Variants in TNXB observed in about 807,000 individuals in gnomAD.
TNXB encodes tenascin XB.
TNXB carries 183 observed loss-of-function variants against 340.5 expected under a neutral mutation model. That is an observed-to-expected ratio of 0.54 (90% CI 0.48 to 0.61). TNXB has a LOEUF of 0.61. Ranked by LOEUF, TNXB falls within the 20% of genes least tolerant of loss-of-function variation. TNXB has a pLI of 0.00. For synonymous variants in TNXB, 2,121 were observed against 2,314.5 expected (o/e 0.92, Z 2.40); for missense variants, 4,613 against 5,446.4 (o/e 0.85, Z 4.82).
chr6:32,072,135 G>C lies in TNXB; in HGVS notation c.4845C>G (p.Asp1615Glu). Residue 1615 changes from aspartate to glutamate, a missense_variant, in exon 13 of 44, where the codon GAC (aspartate) becomes GAG (glutamate). Around this residue, in one of 7 missense-constraint regions of TNXB, gnomAD observed 4,327 missense variants for 4,859.4 expected, o/e 0.89. Coordinates refer to ENST00000644971, the MANE Select transcript of TNXB (RefSeq NM_001365276.2). This position sits in a 1 kb window ranked among gnomAD's most constrained non-coding sequence, Gnocchi z 4.4. ...CCACGGGCACCACCTGGGGCTGCCC[G>C]TCCCTGTCCTTGTACTGAACCACAA... The part of the protein sequence containing the change: ...DSFVVQYKDR[D>E]GQPQVVPVAA... The C allele has an allele frequency of 1.2e-6, 2 of 1,613,378 alleles. No individual in the cohort carries two copies. The highest frequency in any genetic ancestry group is 1.7e-6 in the Non-Finnish European group (2 of 1,179,608).
At position 32,068,671 on chromosome 6, in the gene TNXB, G is replaced by A. The variant is rs1271561810; in HGVS notation, c.5939C>T (p.Ala1980Val). 6.2e-7 allele frequency: 1 copy of A among 1,613,936 alleles called. No homozygotes were observed. The highest frequency in any genetic ancestry group is 1.7e-5 in the Admixed American group (1 of 60,030). Residue 1980 changes from alanine to valine, a missense_variant, in exon 17 of 44, where the codon GCA becomes GTA. Ala to Val is a moderately conservative substitution (Grantham distance 64, BLOSUM62 0). Coordinates refer to ENST00000644971, the MANE Select transcript of TNXB (RefSeq NM_001365276.2). This position sits in a 1 kb window ranked among gnomAD's most constrained non-coding sequence, Gnocchi z 5.3. ...EEEKPSEPPT[A>V]TPEPPIKPRL... ...AGGCTTGATGGGGGGCTCGGGGGTT[G>A]CGGTGGGAGGTTCTGAAGGCTTCTC...
Position 32,096,147 on chromosome 6 carries a change from C to G in TNXB, c.1706G>C (p.Cys569Ser), listed in dbSNP as rs754450129. ...CPGGCRGRGQ[C>S]LDGRCVCEDG... Reference sequence around the variant, plus strand: ...CTCGCACACACACCGCCCATCTAGGCACTGGCCGCGGCCTCGGCAGCCCCC... The same window carrying G: ...CTCGCACACACACCGCCCATCTAGGGACTGGCCGCGGCCTCGGCAGCCCCC... The change falls in exon 3 of 44, where the codon TGC becomes TCC. Residue 569 changes from cysteine to serine, a missense_variant. Around this residue, in one of 7 missense-constraint regions of TNXB, gnomAD observed 4,327 missense variants for 4,859.4 expected, o/e 0.89. Coordinates refer to ENST00000644971, the MANE Select transcript of TNXB (RefSeq NM_001365276.2). 6.3e-7 allele frequency: 1 copy of G among 1,592,566 alleles called. No homozygotes were observed. Among genetic ancestry groups the G allele is most frequent in the Non-Finnish European group, 8.5e-7 (1 of 1,171,492 alleles).
Position 32,084,615 on chromosome 6 carries a change from G to A in TNXB, c.3243C>T (p.Arg1081=). 1 of 1,605,436 alleles carries A rather than the reference G, an allele frequency of 6.2e-7. No homozygotes were observed. The highest frequency in any genetic ancestry group is 1.7e-5 in the Admixed American group (1 of 59,878). The change falls in exon 8 of 44, where the codon CGC becomes CGT. Residue 1081 remains arginine (R), a synonymous_variant. Transcript: ENST00000644971. This position sits in a 1 kb window ranked among gnomAD's most constrained non-coding sequence, Gnocchi z 5.5. ...CAAACTCGCCCTCGGGGACCGTCCA[G>A]CGCAGGAGCAAGGAGTCGGAGGTCC... is the stretch of plus-strand genomic sequence containing the variant. ...TDRTSDSLLL[R]WTVPEGEFDS...
intron 1 of TNXB, among the ~76,000 whole-genome samples, chr6:32,103,647 C>A (rs1343443481): frequency 6.6e-6 from 1 of 152,032 alleles, no homozygotes; most frequent in Non-Finnish European, 1.5e-5. Flanking sequence ...ACTTCGGTGC[C>A]ACAAAATCTA....
At position 32,058,845 on chromosome 6, in the gene TNXB, C is replaced by T. The variant is rs900389770; in HGVS notation, c.7493-455G>A. On this transcript the variant is annotated intron_variant, in intron 21 of 43. Transcript: ENST00000644971. This position sits in a 1 kb window ranked among gnomAD's most constrained non-coding sequence, Gnocchi z 5.1. The stretch of plus-strand genomic sequence containing the variant: ...GCTTTCACCGCAACGCATCAAATAA[C>T]CATTGAAACGATGATGAATGCTGGT... Among the ~76,000 whole-genome samples, 1 of 151,948 alleles carries T rather than the reference C, an allele frequency of 6.6e-6. No individual in the cohort carries two copies. Among genetic ancestry groups the T allele is most frequent in the East Asian group, 1.9e-4 (1 of 5,194 alleles).
intron 23 of TNXB, 42 bp downstream of exon 23, chr6:32,056,544 C>T (rs1777656147): frequency 1.2e-6 from 2 of 1,602,878 alleles, no homozygotes; most frequent in African/African-American, 1.3e-5. Context: ...AGAGGGTGAC[C>T]CTCCCACGGC....
intron 18 of TNXB, among the ~76,000 whole-genome samples, chr6:32,065,778 A>G (rs1489931958): frequency 6.6e-6 from 1 of 151,954 alleles, no homozygotes. Flanking sequence ...ACGTGCCACC[A>G]CGCTCCGCTT....
chr6:32,072,097 C>T lies in TNXB; in HGVS notation c.4883G>A (p.Arg1628Gln), dbSNP rs778225485. The T allele has an allele frequency of 3.7e-5, 59 of 1,612,902 alleles. No homozygotes were observed. The African/African-American group carries it at 5.3e-4, about 15-fold the overall frequency. The change falls in exon 13 of 44, where the codon CGG (arginine) becomes CAG (glutamine). Residue 1628 changes from arginine to glutamine, a missense_variant. Physicochemically the swap from Arg to Gln is conservative, Grantham distance 43. This residue lies in a region of TNXB where 4,327 missense variants were observed against 4,859.4 expected (regional missense o/e 0.89). Coordinates refer to ENST00000644971, the MANE Select transcript of TNXB (RefSeq NM_001365276.2). The surrounding 1 kb of genome is among the most constrained non-coding windows in gnomAD (Gnocchi z 4.4). ...PQVVPVAADQ[R>Q]EVTIPDLEPS... Reference sequence around the variant, plus strand: ...TTCCAGGTCAGGGATAGTGACCTCCCGCTGATCTGCAGCCACGGGCACCAC... The same window carrying T: ...TTCCAGGTCAGGGATAGTGACCTCCTGCTGATCTGCAGCCACGGGCACCAC...
chr6:32,056,195 G>T, intron 23 of TNXB, 21 bp from the exon 24 acceptor site: 1 of 1,602,384 alleles, frequency 6.2e-7, no homozygotes. Flanking sequence ...GAGATATAGA[G>T]AGGATGCCAG....
Position 32,061,766 on chromosome 6 carries a change from G to A in TNXB, c.7169-46C>T. ...GAGGATGGCAGGGTCCCTGGGGGATGTGCTTACGTCGTGGGGAAAAGGAGG... is the reference window on the plus strand; with the variant it reads ...GAGGATGGCAGGGTCCCTGGGGGATATGCTTACGTCGTGGGGAAAAGGAGG... On this transcript the variant is annotated intron_variant, in intron 20 of 43. Coordinates refer to ENST00000644971, the MANE Select transcript of TNXB (RefSeq NM_001365276.2). The surrounding 1 kb of genome is among the most constrained non-coding windows in gnomAD (Gnocchi z 4.4). 18 of 1,593,200 alleles carry A rather than the reference G, an allele frequency of 1.1e-5. No homozygotes were observed. Among genetic ancestry groups the A allele is most frequent in the Non-Finnish European group, 1.5e-5 (18 of 1,167,462 alleles).
In TNXB at chr6:32,069,050, C is replaced by G; in HGVS notation, c.5674G>C (p.Ala1892Pro). ...PHLGELTVEEATSHTLHLSWM... is the reference protein window; with the variant it reads ...PHLGELTVEEPTSHTLHLSWM... Reference sequence around the variant, plus strand: ...GAGAGATGCAGGGTGTGTGACGTGGCCTCCTCCACTGTCAACTCCCCGAGG... The same window carrying G: ...GAGAGATGCAGGGTGTGTGACGTGGGCTCCTCCACTGTCAACTCCCCGAGG... The change falls in exon 16 of 44, where the codon GCC becomes CCC. Residue 1892 changes from alanine (A) to proline (P), a missense_variant. By Grantham distance (27) the Ala-to-Pro change is conservative (BLOSUM62 -1). Around this residue, in one of 7 missense-constraint regions of TNXB, gnomAD observed 4,327 missense variants for 4,859.4 expected, o/e 0.89. Transcript: ENST00000644971. This position sits in a 1 kb window ranked among gnomAD's most constrained non-coding sequence, Gnocchi z 6.2. The G allele has an allele frequency of 6.2e-7, 1 of 1,612,808 alleles. No individual in the cohort carries two copies. Among genetic ancestry groups the G allele is most frequent in the Non-Finnish European group, 8.5e-7 (1 of 1,179,862 alleles).
Position 32,049,501 on chromosome 6 carries a change from C to T in TNXB, c.9526G>A (p.Gly3176Arg), listed in dbSNP as rs528173262. ...AGGCTCAGCGAGTCAGGGGAGGATC[C>T]TGTCACTGTCAACTCCCCCAGGAGC... ...EPLLGELTVT[G>R]SSPDSLSLSW... The change falls in exon 28 of 44, where the codon GGA (glycine) becomes AGA (arginine). Residue 3176 changes from glycine (G) to arginine (R), a missense_variant. Gly to Arg is a moderately radical substitution (Grantham distance 125). Coordinates refer to ENST00000644971, the MANE Select transcript of TNXB (RefSeq NM_001365276.2). The surrounding 1 kb of genome is among the most constrained non-coding windows in gnomAD (Gnocchi z 4.5). 464 of 1,612,548 alleles carry T rather than the reference C, an allele frequency of 2.9e-4. 11 individuals carry two copies. The South Asian group carries it at 3.9e-3, about 14-fold the overall frequency.
chr6:32,048,124 G>T, intron 29 of TNXB, 112 bp from the exon 30 acceptor site: 1 of 1,340,848 alleles, frequency 7.5e-7, no homozygotes, highest in South Asian at 1.4e-5. Flanking sequence ...GGGTGACTGG[G>T]CCAGGAGTAG....
Position 32,084,600 on chromosome 6 carries a change from C to G in TNXB, c.3258G>C (p.Glu1086Asp). The G allele has an allele frequency of 6.2e-7, 1 of 1,608,394 alleles. No individual in the cohort carries two copies. Among genetic ancestry groups the G allele is most frequent in the East Asian group, 2.2e-5 (1 of 44,868 alleles). ...GGATCACGAAGGAGTCAAACTCGCCCTCGGGGACCGTCCAGCGCAGGAGCA... is the reference window on the plus strand; with the variant it reads ...GGATCACGAAGGAGTCAAACTCGCCGTCGGGGACCGTCCAGCGCAGGAGCA... ...DSLLLRWTVP[E>D]GEFDSFVIQY... is the part of the protein sequence containing the mutation. The change falls in exon 8 of 44, where the codon GAG (glutamate) becomes GAC (aspartate). Residue 1086 changes from glutamate (E) to aspartate (D), a missense_variant. Physicochemically the swap from Glu to Asp is conservative, Grantham distance 45. Coordinates refer to ENST00000644971, the MANE Select transcript of TNXB (RefSeq NM_001365276.2). This position sits in a 1 kb window ranked among gnomAD's most constrained non-coding sequence, Gnocchi z 5.5.
rs556843270 is a variant in TNXB at position 32,048,184 on chromosome 6, G to A, written c.10046-172C>T. The stretch of plus-strand genomic sequence containing the variant: ...AAGCAAGTGTCCCCTGGGGTGCAGG[G>A]AAAGTAGGGAGAGGGATGAGTGTGA... On this transcript the variant is annotated intron_variant, in intron 29 of 43. Transcript: ENST00000644971. 4.6e-5 allele frequency among the ~76,000 whole-genome samples: 7 copies of A among 152,318 alleles called. No homozygotes were observed. The East Asian group carries it at 1.4e-3, about 29-fold the overall frequency.
Position 32,096,605 on chromosome 6 carries a change from G to T in TNXB, c.1248C>A (p.Asp416Glu), listed in dbSNP as rs775030992. ...GDCNQRGRCE[D>E]GRCVCWPGYT... ...ACCCCGGCCAGCACACGCAGCGGCC[G>T]TCCTCGCAGCGGCCCCTTTGGTTGC... The change falls in exon 3 of 44, where the codon GAC becomes GAA. Residue 416 changes from aspartate (D) to glutamate (E), a missense_variant. Physicochemically the swap from Asp to Glu is conservative, Grantham distance 45. Transcript: ENST00000644971. The T allele has an allele frequency of 1.7e-5, 27 of 1,569,744 alleles. No homozygotes were observed. The highest frequency in any genetic ancestry group is 1.7e-4 in the Middle Eastern group (1 of 5,978).
chr6:32,098,376 A>G (rs1780535016), intron 1 of TNXB, among the ~76,000 whole-genome samples, 170 bp from the exon 2 acceptor site: 1 of 152,158 alleles, frequency 6.6e-6, no homozygotes, highest in Non-Finnish European at 1.5e-5. Flanking sequence ...TCCCTGGGCA[A>G]GTCTGTTCTC....
chr6:32,079,336 T>C lies in TNXB; in HGVS notation c.4072A>G (p.Ser1358Gly). 1.2e-6 allele frequency: 2 copies of C among 1,610,570 alleles called. No individual in the cohort carries two copies. Among genetic ancestry groups the C allele is most frequent in the Admixed American group, 1.7e-5 (1 of 59,812 alleles). ...APQEDVDETPSPTELGTEAPE... is the reference protein window; with the variant it reads ...APQEDVDETPGPTELGTEAPE... ...GCCTCCGTGCCCAGTTCTGTGGGGC[T>C]GGGGGTCTCGTCCACATCCTCCTGA... Residue 1358 changes from serine to glycine, a missense_variant, in exon 11 of 44, where the codon AGC becomes GGC. By Grantham distance (56) the Ser-to-Gly change is moderately conservative. This residue lies in a region of TNXB where 4,327 missense variants were observed against 4,859.4 expected (regional missense o/e 0.89). Transcript: ENST00000644971. The surrounding 1 kb of genome is among the most constrained non-coding windows in gnomAD (Gnocchi z 7.1).
chr6:32,098,222 G>C lies in TNXB; in HGVS notation c.-8-16C>G. 2 of 1,479,356 alleles carry C rather than the reference G, an allele frequency of 1.4e-6. No homozygotes were observed. Among genetic ancestry groups the C allele is most frequent in the Non-Finnish European group, 1.8e-6 (2 of 1,111,560 alleles). 91.6% of individuals were successfully genotyped at this position (1,479,356 alleles called of 1,614,324 possible). On this transcript the variant is annotated splice_polypyrimidine_tract_variant and intron_variant, in intron 1 of 43. Transcript: ENST00000644971. Reference sequence around the variant, plus strand: ...ATTCAGGAGGCTGCAGGGAGAAAGGGTAGGTATGAGAGCAGCTTCAAAAAG... The same window carrying C: ...ATTCAGGAGGCTGCAGGGAGAAAGGCTAGGTATGAGAGCAGCTTCAAAAAG...
Sources: gnomAD v4.1 joint callset for allele counts (sites outside exome capture counted in the v4.1 genomes callset) on GRCh38, gnomAD v4.1.1 for gene constraint, gnomAD v4.1.1 regional missense constraint, Gnocchi (gnomAD v3.1) non-coding constraint, MANE v1.5 for transcripts, NCBI Gene and HGNC (gene_info 2026-07-23, HGNC 2026-07-21) for gene names.